JAK2: variants seen among roughly 807,000 people sequenced by gnomAD.
The protein encoded by JAK2 is tyrosine-protein kinase JAK2.
A neutral mutation model predicts 139.3 loss-of-function variants in JAK2; 86 were observed. The observed-to-expected ratio is 0.62, with a 90% CI of 0.52 to 0.74. The LOEUF is 0.74. Ranked by LOEUF, JAK2 falls within the 30% of genes least tolerant of loss-of-function variation. JAK2 has a pLI of 0.00. For synonymous variants in JAK2, 490 were observed against 437.7 expected (o/e 1.12, Z -1.49); for missense variants, 1,421 against 1,360.3 (o/e 1.04, Z -0.70).
At chr9:5,032,633 C>T (rs1362711639) in intron 4 of JAK2, among the ~76,000 whole-genome samples, 1 of 152,228 alleles carries the variant, frequency 6.6e-6, no homozygotes, top group Non-Finnish European at 1.5e-5. Context: ...CCCAGGCAAA[C>T]AGGGTCTGGA....
chr9:5,006,151 G>C (rs576826407), intron 2 of JAK2, among the ~76,000 whole-genome samples: 12 of 152,170 alleles, frequency 7.9e-5, no homozygotes, highest in South Asian at 4.2e-4. Flanking sequence ...CCATTTGTTT[G>C]TATCCTCTTT....
At chr9:5,057,043 G>C (rs541572786) in intron 8 of JAK2, among the ~76,000 whole-genome samples, 1 of 152,138 alleles carries the variant, frequency 6.6e-6, no homozygotes, top group Non-Finnish European at 1.5e-5. Context: ...AAACTGGGAA[G>C]AGTTGACATT....
chr9:5,034,739 G>C (rs1273175168), intron 4 of JAK2, among the ~76,000 whole-genome samples: 1 of 152,072 alleles, frequency 6.6e-6, no homozygotes, highest in Admixed American at 6.5e-5. Flanking sequence ...ATTCAAAGCA[G>C]TGTGTAGAGG....
chr9:5,032,423 G>C (rs940978865), intron 4 of JAK2, among the ~76,000 whole-genome samples: 1 of 152,236 alleles, frequency 6.6e-6, no homozygotes, highest in African/African-American at 2.4e-5. Flanking sequence ...TGCAGCTGGA[G>C]ATCTGAGAAC....
chr9:5,023,568 G>A (rs1176952074), intron 3 of JAK2, among the ~76,000 whole-genome samples: 1 of 152,162 alleles, frequency 6.6e-6, no homozygotes, highest in African/African-American at 2.4e-5. Context: ...AAATTCCAGG[G>A]GTTCACAGTA....
intron 4 of JAK2, among the ~76,000 whole-genome samples, chr9:5,040,623 T>C (rs889699806): frequency 4.6e-5 from 7 of 152,354 alleles, no homozygotes; most frequent in African/African-American, 1.2e-4. Context: ...AACAAGACAA[T>C]GACAACTTAA....
chr9:5,085,404 G>C (rs1293812783), intron 19 of JAK2: 1 of 802,872 alleles, frequency 1.2e-6, no homozygotes, highest in Non-Finnish European at 2.2e-6. Flanking sequence ...CTAGAACAGA[G>C]ACTGCTTTAC....
At chr9:5,022,338 G>C in intron 3 of JAK2, 125 bp downstream of exon 3, 1 of 592,088 alleles carries the variant, frequency 1.7e-6, no homozygotes, top group Middle Eastern at 4.6e-4. Flanking sequence ...TGGCGTGTGT[G>C]TTTTCACATG....
chr9:5,122,910 GTTT>G (rs796174169), intron 22 of JAK2, 91 bp from the exon 23 acceptor site: 1 of 640,484 alleles, frequency 1.6e-6, no homozygotes. Flanking sequence ...TTCTCTACAT[GTTT>G]TTTTTTTTAA....
At chr9:5,091,453 A>T (rs942965849) in intron 22 of JAK2, 2 of 152,240 alleles carry the variant, frequency 1.3e-5, no homozygotes, top group Non-Finnish European at 2.9e-5. Flanking sequence ...TTTTAATAGC[A>T]TAGGGAGTTG....
At chr9:5,032,461 C>T (rs1338941587) in intron 4 of JAK2, among the ~76,000 whole-genome samples, 1 of 152,236 alleles carries the variant, frequency 6.6e-6, no homozygotes. Flanking sequence ...AAGTGGGTCC[C>T]TGAACCCCGA....
Position 5,054,601 on chromosome 9 carries a change from T to A in JAK2, c.653T>A (p.Ile218Asn). The A allele has an allele frequency of 6.2e-7, 1 of 1,611,070 alleles. No individual in the cohort carries two copies. The highest frequency in any genetic ancestry group is 8.5e-7 in the Non-Finnish European group (1 of 1,178,258). The stretch of plus-strand genomic sequence containing the variant: ...TTACCAAAATGTATTCGAGCAAAGA[T>A]CCAAGACTATCATATTTTGACAAGG... ...TFLPKCIRAKIQDYHILTRKR... is the reference protein window; with the variant it reads ...TFLPKCIRAKNQDYHILTRKR... Residue 218 changes from isoleucine to asparagine, a missense_variant, in exon 7 of 25, where the codon ATC (isoleucine) becomes AAC (asparagine). Ile to Asn is a moderately radical substitution (Grantham distance 149). Transcript: ENST00000381652. This position sits in a 1 kb window ranked among gnomAD's most constrained non-coding sequence, Gnocchi z 4.9.
In JAK2 at chr9:5,127,435, G is replaced by A. The variant is rs1330243239; in HGVS notation, c.*644G>A. ...TATTTTTCACATAAAGGGAACAAAT[G>A]TCTAGTTTTATTTGTATAGGAAATT... On this transcript the variant is annotated 3_prime_UTR_variant, in exon 25 of 25. Coordinates refer to ENST00000381652, the MANE Select transcript of JAK2 (RefSeq NM_004972.4). The A allele has an allele frequency of 1.3e-5, 3 of 231,434 alleles. No individual in the cohort carries two copies. Among genetic ancestry groups the A allele is most frequent in the East Asian group, 6.1e-5 (1 of 16,430 alleles). The allele number at this position is 231,434 out of a possible 1,614,324, so 14.3% of individuals were successfully genotyped here.
At chr9:5,052,704 C>G (rs1236585677) in intron 6 of JAK2, among the ~76,000 whole-genome samples, 1 of 151,998 alleles carries the variant, frequency 6.6e-6, no homozygotes, top group African/African-American at 2.4e-5. Flanking sequence ...GTGGATTTTC[C>G]TGTCTCAAAC....
intron 22 of JAK2, chr9:5,094,148 T>C (rs912954862): frequency 1.2e-4 from 19 of 152,146 alleles, no homozygotes; most frequent in African/African-American, 4.3e-4. Flanking sequence ...CTAATTGCTA[T>C]AGCATTCCTT....
At chr9:5,065,627 C>T (rs1563970324) in intron 9 of JAK2, among the ~76,000 whole-genome samples, 1 of 152,168 alleles carries the variant, frequency 6.6e-6, no homozygotes, top group East Asian at 1.9e-4. Flanking sequence ...ATTTAAATAG[C>T]TACATGTGGC....
Position 5,128,286 on chromosome 9 carries a change from T to C in JAK2, c.*1495T>C, listed in dbSNP as rs556452739. On this transcript the variant is annotated 3_prime_UTR_variant, in exon 25 of 25. Coordinates refer to ENST00000381652, the MANE Select transcript of JAK2 (RefSeq NM_004972.4). ...GAAATGTTTTTTACATTCATTATTATACTTAAAGCATTTTTAAAGCATTTT... is the reference window on the plus strand; with the variant it reads ...GAAATGTTTTTTACATTCATTATTACACTTAAAGCATTTTTAAAGCATTTT... The C allele has an allele frequency of 1.4e-4, 31 of 227,288 alleles. No individual in the cohort carries two copies. The highest frequency in any genetic ancestry group is 4.9e-4 in the African/African-American group (22 of 45,052). The allele number at this position is 227,288 out of a possible 1,614,324, so 14.1% of individuals were successfully genotyped here.
intron 5 of JAK2, among the ~76,000 whole-genome samples, chr9:5,046,518 GT>G (rs1817019852): frequency 6.6e-6 from 1 of 152,076 alleles, no homozygotes; most frequent in Admixed American, 6.6e-5. Flanking sequence ...TCTTGTAAGA[GT>G]TTTATCATTT....
chr9:5,040,151 C>G (rs377098243), intron 4 of JAK2, among the ~76,000 whole-genome samples: 1 of 152,142 alleles, frequency 6.6e-6, no homozygotes, highest in Non-Finnish European at 1.5e-5. Flanking sequence ...TATAATTTCT[C>G]ACATTGATGG....
Sources: allele counts gnomAD v4.1 joint callset (sites outside exome capture counted in the v4.1 genomes callset), GRCh38; gene constraint gnomAD v4.1.1; non-coding constraint Gnocchi (gnomAD v3.1); transcripts MANE v1.5; gene names NCBI Gene and HGNC (gene_info 2026-07-23, HGNC 2026-07-21).